ZNF496: variants seen among roughly 807,000 people sequenced by gnomAD.
ZNF496 encodes the protein NSD1 (nuclear receptor binding SET-domain containing 1)-interacting zinc finger protein 1.
A neutral mutation model predicts 58.9 loss-of-function variants in ZNF496; 11 were observed. The observed-to-expected ratio is 0.19, with a 90% CI of 0.12 to 0.31. The LOEUF (loss-of-function observed/expected upper bound fraction) is 0.31. Ranked by LOEUF, ZNF496 falls within the 10% of genes least tolerant of loss-of-function variation. The pLI, the probability that ZNF496 is intolerant of heterozygous loss-of-function variation, is 1.00. For synonymous variants in ZNF496, 338 were observed against 318.2 expected (o/e 1.06, Z -0.66); for missense variants, 660 against 783.0 (o/e 0.84, Z 1.88).
At chr1:247,302,965 T>C (rs1390810094) in intron 9 of ZNF496, among the ~76,000 whole-genome samples, 2 of 152,224 alleles carry the variant, frequency 1.3e-5, no homozygotes, top group Non-Finnish European at 2.9e-5. Flanking sequence ...GATCTCTTAC[T>C]TGTTAACTGG....
intron 9 of ZNF496, chr1:247,307,524 T>G (rs1487564635): frequency 2.0e-6 from 2 of 985,276 alleles, no homozygotes; most frequent in Non-Finnish European, 2.4e-6. Context: ...GGACCCCAAA[T>G]GAATGCATCA....
chr1:247,319,313 C>T (rs1374132164), intron 6 of ZNF496, among the ~76,000 whole-genome samples: 5 of 152,192 alleles, frequency 3.3e-5, no homozygotes, highest in African/African-American at 1.2e-4. Flanking sequence ...CTACACTTCA[C>T]TCAAACTGAT....
rs779046956 is a variant in ZNF496 at position 247,329,095 on chromosome 1, G to C, written c.390+94C>G. The C allele has an allele frequency of 6.3e-5, 99 of 1,579,504 alleles. No individual in the cohort carries two copies. The highest frequency in any genetic ancestry group is 8.0e-5 in the Non-Finnish European group (92 of 1,156,336). ...TAACCAAAGTAAATGGCTCTCGATG[G>C]AACTCCTCATTCCCCAGCCAGCACA... On this transcript the variant is annotated intron_variant, in intron 4 of 9. Transcript: ENST00000682384. This position sits in a 1 kb window ranked among gnomAD's most constrained non-coding sequence, Gnocchi z 5.5.
In ZNF496 at chr1:247,309,715, G is replaced by A. The variant is rs771080450; in HGVS notation, c.876C>T (p.Pro292=). The A allele has an allele frequency of 4.3e-6, 7 of 1,614,120 alleles. No homozygotes were observed. Among genetic ancestry groups the A allele is most frequent in the Non-Finnish European group, 5.9e-6 (7 of 1,180,022 alleles). The change falls in exon 8 of 10, where the codon CCC becomes CCT. Residue 292 remains proline, a synonymous_variant. Coordinates refer to ENST00000682384, the MANE Select transcript of ZNF496 (RefSeq NM_032752.3). The surrounding 1 kb of genome is among the most constrained non-coding windows in gnomAD (Gnocchi z 4.3). ...ATTACTCACCCAAGTAGGAGACCTG[G>A]GGCACTTCTTTGCCCTGGAGATCCT... ...ELQDLQGKEV[P]QVSYLDSPSL...
At chr1:247,302,692 C>A (rs984052446) in intron 9 of ZNF496, among the ~76,000 whole-genome samples, 2 of 152,014 alleles carry the variant, frequency 1.3e-5, no homozygotes. Context: ...GCTGCAGGAA[C>A]CTCGTTCCAG....
chr1:247,322,560 T>C (rs1048859064), intron 6 of ZNF496: 4 of 383,118 alleles, frequency 1.0e-5, no homozygotes, highest in African/African-American at 8.6e-5. Context: ...AGACAGCAAC[T>C]GGGCTAGAGA....
At chr1:247,315,771 G>C (rs1659747753) in intron 6 of ZNF496, among the ~76,000 whole-genome samples, 1 of 152,166 alleles carries the variant, frequency 6.6e-6, no homozygotes, top group South Asian at 2.1e-4. Context: ...AAAAGAAAGA[G>C]AATACCTCAA....
rs540342030 is a variant in ZNF496, at chr1:247,316,312, G to A, written c.652-5856C>T. Among the ~76,000 whole-genome samples, 4 of 150,394 alleles carry A rather than the reference G, an allele frequency of 2.7e-5. No individual in the cohort carries two copies. In the East Asian group the frequency reaches 7.8e-4, roughly 30 times the overall value. On this transcript the variant is annotated intron_variant, in intron 6 of 9. Coordinates refer to ENST00000682384, the MANE Select transcript of ZNF496 (RefSeq NM_032752.3). Reference sequence around the variant, plus strand: ...AACAGATTTGGATGCTTTTTCCTTTGAGCCTTGGTTAGGTGTTTGAGGATC... The same window carrying A: ...AACAGATTTGGATGCTTTTTCCTTTAAGCCTTGGTTAGGTGTTTGAGGATC...
intron 9 of ZNF496, among the ~76,000 whole-genome samples, chr1:247,303,458 C>G (rs1238995949): frequency 6.6e-6 from 1 of 152,166 alleles, no homozygotes; most frequent in Non-Finnish European, 1.5e-5. Context: ...GATTTTAGAA[C>G]TAGGTCATGG....
chr1:247,299,241 T>C lies in ZNF496; in HGVS notation c.*1278A>G, dbSNP rs1659163109. ...ACAGATGAGGTTATACTGGAGTCGGTGGGATGGGCTCTAATCCGATATGAC... is the reference window on the plus strand; with the variant it reads ...ACAGATGAGGTTATACTGGAGTCGGCGGGATGGGCTCTAATCCGATATGAC... On this transcript the variant is annotated 3_prime_UTR_variant, in exon 10 of 10. Coordinates refer to ENST00000682384, the MANE Select transcript of ZNF496 (RefSeq NM_032752.3). The C allele has an allele frequency of 6.6e-6, 1 of 152,250 alleles. No homozygotes were observed. The highest frequency in any genetic ancestry group is 2.4e-5 in the African/African-American group (1 of 41,522). 9.4% of individuals were successfully genotyped at this position (152,250 alleles called of 1,614,324 possible).
At chr1:247,315,082 T>A (rs10924982) in intron 6 of ZNF496, among the ~76,000 whole-genome samples, 26,401 of 121,826 alleles carry the variant, frequency 0.22, 2,877 homozygotes, top group Middle Eastern at 0.42. Context: ...TTTTTTTTTT[T>A]AAAAAAAGCA....
chr1:247,326,689 C>G (rs1660138332), intron 5 of ZNF496, among the ~76,000 whole-genome samples: 1 of 152,080 alleles, frequency 6.6e-6, no homozygotes, highest in Non-Finnish European at 1.5e-5. Context: ...AAGCCCTAAC[C>G]CTTAGGTACC....
chr1:247,302,328 T>TAAAGGGCAATGGTGG (rs1175735718), intron 9 of ZNF496, among the ~76,000 whole-genome samples: 6 of 151,426 alleles, frequency 4.0e-5, no homozygotes. Context: ...AGCAGAGAGA[T>TAAAGGGCAATGGTGG]AAAGGGCAAT....
intron 6 of ZNF496, 69 bp downstream of exon 6, chr1:247,323,064 CAGAAAGCTGGCTGGGGTCCTA>C: frequency 9.0e-7 from 1 of 1,110,944 alleles, no homozygotes; most frequent in Non-Finnish European, 1.3e-6. Context: ...GTGTGGCAGT[CAGAAAGCTGGCTGGGGTCCTA>C]AGAAAGCTGC....
rs61747077 is a variant in ZNF496 at position 247,323,226 on chromosome 1, C to T, written c.579G>A (p.Leu193=). 46,932 of 1,613,516 alleles carry T rather than the reference C, an allele frequency of 0.029. 909 individuals carry two copies. The highest frequency in any genetic ancestry group is 0.076 in the Middle Eastern group (463 of 6,058). The change falls in exon 6 of 10, where the codon CTG becomes CTA. Residue 193 remains leucine, a synonymous_variant. Coordinates refer to ENST00000682384, the MANE Select transcript of ZNF496 (RefSeq NM_032752.3). ...PPSQLSGDPV[L]QDAFLLQEEN... is the part of the protein sequence containing the mutation. ...CTTCCTGAAGAAGGAAAGCATCTTGCAGAACTGAAAGAGATCAGAAAATGG... is the reference window on the plus strand; with the variant it reads ...CTTCCTGAAGAAGGAAAGCATCTTGTAGAACTGAAAGAGATCAGAAAATGG...
At chr1:247,317,808 T>C (rs895625793) in intron 6 of ZNF496, among the ~76,000 whole-genome samples, 2 of 152,160 alleles carry the variant, frequency 1.3e-5, no homozygotes, top group African/African-American at 4.8e-5. Context: ...CAGAGTCTCA[T>C]CATATAAAAA....
chr1:247,303,409 T>G (rs1414468690), intron 9 of ZNF496, among the ~76,000 whole-genome samples: 3 of 152,148 alleles, frequency 2.0e-5, no homozygotes, highest in African/African-American at 7.2e-5. Flanking sequence ...CACCAGGAAG[T>G]AGGGTGCAGC....
At position 247,300,981 on chromosome 1, in the gene ZNF496, C is replaced by A. The variant is rs781183575; in HGVS notation, c.1302G>T (p.Pro434=). Residue 434 remains proline (P), a synonymous_variant, in exon 10 of 10, where the codon CCG becomes CCT. Transcript: ENST00000682384. This position sits in a 1 kb window ranked among gnomAD's most constrained non-coding sequence, Gnocchi z 5.7. ...GCTCCCCGCACACCGAGCACTCGTG[C>A]GGCTTCTCCTGCTCCCTGCGGCTCC... is the stretch of plus-strand genomic sequence containing the variant. ...HLRSRREQEK[P]HECSVCGELF... The A allele has an allele frequency of 2.5e-6, 4 of 1,613,770 alleles. No homozygotes were observed. The highest frequency in any genetic ancestry group is 1.3e-5 in the African/African-American group (1 of 74,940).
chr1:247,300,803 C>T lies in ZNF496; in HGVS notation c.1480G>A (p.Val494Met). 1 of 1,602,206 alleles carries T rather than the reference C, an allele frequency of 6.2e-7. No homozygotes were observed. The highest frequency in any genetic ancestry group is 2.2e-5 in the East Asian group (1 of 44,674). ...GATGCCGCCTGCTCTCTCTTCTCCA[C>T]CGGCTGGAGTCTGTCCGGCTGCAGG... The part of the protein sequence containing the change: ...IHLQPDRLQP[V>M]EKREQAASED... The change falls in exon 10 of 10, where the codon GTG becomes ATG. Residue 494 changes from valine to methionine, a missense_variant. Val to Met is a conservative substitution (Grantham distance 21, BLOSUM62 1). Coordinates refer to ENST00000682384, the MANE Select transcript of ZNF496 (RefSeq NM_032752.3). This position sits in a 1 kb window ranked among gnomAD's most constrained non-coding sequence, Gnocchi z 5.7.
Sources: allele counts gnomAD v4.1 joint callset (sites outside exome capture counted in the v4.1 genomes callset), GRCh38; gene constraint gnomAD v4.1.1; non-coding constraint Gnocchi (gnomAD v3.1); transcripts MANE v1.5; gene names NCBI Gene and HGNC (gene_info 2026-07-23, HGNC 2026-07-21).